Variants in PPP1R9A observed in about 807,000 individuals in gnomAD.
PPP1R9A encodes the protein protein phosphatase 1 regulatory subunit 9A.
In PPP1R9A, 59 loss-of-function variants were observed where a neutral mutation model predicts 141.9. The ratio of observed to expected loss-of-function variants is 0.42; its 90% CI spans 0.34 to 0.52. The LOEUF is 0.52. PPP1R9A is among the 20% of genes least tolerant of loss of function. The pLI, the probability that PPP1R9A is intolerant of heterozygous loss-of-function variation, is 0.10. For missense variants in PPP1R9A, 1,444 were observed against 1,611.9 expected, an observed-to-expected ratio of 0.90 and a Z score of 1.78; for synonymous variants, 500 against 569.7, an observed-to-expected ratio of 0.88 and a Z score of 1.74.
At chr7:95,108,371 T>A (rs1467799372) in intron 2 of PPP1R9A, among the ~76,000 whole-genome samples, 1 of 133,062 alleles carries the variant, frequency 7.5e-6, no homozygotes, top group African/African-American at 2.9e-5. Flanking sequence ...TGGAGTGCAG[T>A]GGCGCGGGAG....
chr7:95,170,720 CAG>C (rs1370957422), intron 5 of PPP1R9A, among the ~76,000 whole-genome samples: 1 of 151,396 alleles, frequency 6.6e-6, no homozygotes, highest in Non-Finnish European at 1.5e-5. Context: ...TAAGAAATGT[CAG>C]GGGAAGTCTT....
chr7:94,942,161 T>C (rs1292704165), intron 2 of PPP1R9A, among the ~76,000 whole-genome samples: 2 of 152,094 alleles, frequency 1.3e-5, no homozygotes, highest in Admixed American at 1.3e-4. Flanking sequence ...TCAGAATATA[T>C]TTCTCCAATT....
At chr7:95,007,945 G>A (rs1486571410) in intron 2 of PPP1R9A, among the ~76,000 whole-genome samples, 2 of 152,094 alleles carry the variant, frequency 1.3e-5, no homozygotes, top group South Asian at 2.1e-4. Context: ...GGTGGTGCAT[G>A]CCTGTAATCC....
chr7:94,981,297 G>C (rs1337139515), intron 2 of PPP1R9A, among the ~76,000 whole-genome samples: 1 of 152,102 alleles, frequency 6.6e-6, no homozygotes, highest in African/African-American at 2.4e-5. Flanking sequence ...GCAGTGGCAA[G>C]ATCTCGATCT....
intron 12 of PPP1R9A, among the ~76,000 whole-genome samples, chr7:95,259,821 G>A (rs868728987): frequency 2.0e-5 from 3 of 152,178 alleles, no homozygotes; most frequent in Admixed American, 2.0e-4. Context: ...ACAGAGCAAT[G>A]AGGTAATTAT....
At chr7:95,164,792 T>A (rs1015474094) in intron 5 of PPP1R9A, among the ~76,000 whole-genome samples, 25 of 150,474 alleles carry the variant, frequency 1.7e-4, no homozygotes, top group Non-Finnish European at 3.4e-4. Flanking sequence ...TGTTCCATGC[T>A]TTATTCTCTA....
intron 2 of PPP1R9A, among the ~76,000 whole-genome samples, chr7:94,990,516 A>G (rs1801376721): frequency 6.6e-6 from 1 of 152,134 alleles, no homozygotes; most frequent in South Asian, 2.1e-4. Context: ...GGTAATTAGC[A>G]TATCCATCAC....
At chr7:95,027,282 A>G (rs920949507) in intron 2 of PPP1R9A, among the ~76,000 whole-genome samples, 5 of 152,172 alleles carry the variant, frequency 3.3e-5, no homozygotes, top group Non-Finnish European at 7.3e-5. Context: ...TATCTGGGCC[A>G]GAATGCACCA....
At chr7:95,228,212 T>C (rs1326240511) in intron 8 of PPP1R9A, among the ~76,000 whole-genome samples, 1 of 152,174 alleles carries the variant, frequency 6.6e-6, no homozygotes, top group Non-Finnish European at 1.5e-5. Flanking sequence ...ATTATCTCAA[T>C]CAGTCATACT....
chr7:94,990,681 C>T (rs1337774670), intron 2 of PPP1R9A, among the ~76,000 whole-genome samples: 1 of 151,884 alleles, frequency 6.6e-6, no homozygotes, highest in Non-Finnish European at 1.5e-5. Context: ...TATTCTTTAA[C>T]AAATCTCTCC....
chr7:95,099,773 C>A, intron 2 of PPP1R9A, among the ~76,000 whole-genome samples: 1 of 151,890 alleles, frequency 6.6e-6, no homozygotes, highest in African/African-American at 2.4e-5. Flanking sequence ...CCAACCATTG[C>A]TTGAAAGTAT....
rs143824684 is a variant in PPP1R9A, at chr7:95,189,028, A to C, written c.1755-9321A>C. Among the ~76,000 whole-genome samples, 589 of 151,994 alleles carry C rather than the reference A, an allele frequency of 3.9e-3. 3 individuals carry two copies. Among genetic ancestry groups the C allele is most frequent in the African/African-American group, 0.013 (548 of 41,460 alleles). On this transcript the variant is annotated intron_variant, in intron 5 of 19. Coordinates refer to ENST00000433360, the MANE Select transcript of PPP1R9A (RefSeq NM_001166160.2). ...CATTTATTTCTTTGAAAAATCCTTT[A>C]TCTCTCCATTTTGAAGCTTAGTTTT... is the stretch of plus-strand genomic sequence containing the variant.
chr7:95,012,473 A>G (rs1309102641), intron 2 of PPP1R9A, among the ~76,000 whole-genome samples: 1 of 152,176 alleles, frequency 6.6e-6, no homozygotes, highest in Non-Finnish European at 1.5e-5. Context: ...ACAATTTCAC[A>G]TGATGTTTGG....
At chr7:94,907,308 A>C (rs1340337461), upstream of PPP1R9A, 1 of 152,272 alleles carries the variant, frequency 6.6e-6, no homozygotes, top group African/African-American at 2.4e-5. Flanking sequence ...TGGCAGTGAG[A>C]TCTTAAGGTC....
At chr7:94,929,393 A>G (rs1793885859) in intron 2 of PPP1R9A, among the ~76,000 whole-genome samples, 1 of 152,174 alleles carries the variant, frequency 6.6e-6, no homozygotes, top group Admixed American at 6.5e-5. Flanking sequence ...CTCCTGGGAG[A>G]AGCCAAACTC....
intron 4 of PPP1R9A, among the ~76,000 whole-genome samples, chr7:95,158,314 G>A (rs1285213622): frequency 2.0e-5 from 3 of 152,112 alleles, no homozygotes; most frequent in Non-Finnish European, 4.4e-5. Context: ...AAAATTTCCA[G>A]GTGGATAACT....
intron 7 of PPP1R9A, among the ~76,000 whole-genome samples, chr7:95,206,999 CA>C (rs1319635447): frequency 2.7e-5 from 4 of 149,420 alleles, no homozygotes; most frequent in Non-Finnish European, 3.0e-5. Context: ...GTGGAAAAGC[CA>C]AAAAAATTTT....
chr7:95,157,450 C>A (rs1829810150), intron 4 of PPP1R9A, among the ~76,000 whole-genome samples: 1 of 152,278 alleles, frequency 6.6e-6, no homozygotes, highest in South Asian at 2.1e-4. Context: ...AGGCCCAGGT[C>A]TGCAGCTGCA....
intron 2 of PPP1R9A, among the ~76,000 whole-genome samples, chr7:95,047,297 A>G (rs1402570157): frequency 6.6e-6 from 1 of 152,228 alleles, no homozygotes; most frequent in African/African-American, 2.4e-5. Flanking sequence ...GCTTTAGAGT[A>G]CATTTTTTAG....
Sources: gnomAD v4.1 joint callset for allele counts (sites outside exome capture counted in the v4.1 genomes callset) on GRCh38, gnomAD v4.1.1 for gene constraint, MANE v1.5 for transcripts, NCBI Gene and HGNC (gene_info 2026-07-23, HGNC 2026-07-21) for gene names.